INPP4B: variants seen among roughly 807,000 people sequenced by gnomAD.
The protein encoded by INPP4B is inositol polyphosphate 4-phosphatase type II.
In INPP4B, 55 loss-of-function variants were observed where a neutral mutation model predicts 122.5. The observed-to-expected ratio is 0.45, with a 90% confidence interval of 0.36 to 0.56. The LOEUF is 0.56. Ranked by LOEUF, INPP4B falls within the 20% of genes least tolerant of loss-of-function variation. INPP4B has a pLI of 0.00. For missense variants in INPP4B, 1,000 were observed against 1,097.7 expected (o/e 0.91, Z 1.26); for synonymous variants, 403 against 388.7 (o/e 1.04, Z -0.43).
intron 5 of INPP4B, among the ~76,000 whole-genome samples, chr4:142,407,922 AAT>A (rs769269314): frequency 2.0e-5 from 3 of 152,162 alleles, no homozygotes; most frequent in Non-Finnish European, 4.4e-5. Context: ...ATATCATACT[AAT>A]ATATATTAAT....
intron 3 of INPP4B, 134 bp from the exon 4 acceptor site, chr4:142,431,519 C>G: frequency 2.1e-6 from 1 of 483,652 alleles, no homozygotes; most frequent in South Asian, 2.5e-5. Context: ...CTTTCAGAAC[C>G]ATTCCACACA....
At chr4:142,367,737 T>C (rs561976875) in intron 7 of INPP4B, among the ~76,000 whole-genome samples, 1 of 152,280 alleles carries the variant, frequency 6.6e-6, no homozygotes, top group South Asian at 2.1e-4. Context: ...AGTTTGAGAA[T>C]TGTGCCAGGT....
In INPP4B at chr4:142,495,582, G is replaced by T. The variant is rs1406397835; in HGVS notation, c.-190-32856C>A. On this transcript the variant is annotated intron_variant, in intron 2 of 25. Transcript: ENST00000262992. Reference sequence around the variant, plus strand: ...CCACCTTCTGCCTGTGGTTACCTTGGATTCTTATCCTCCAGCTGACTCCCA... The same window carrying T: ...CCACCTTCTGCCTGTGGTTACCTTGTATTCTTATCCTCCAGCTGACTCCCA... Among the ~76,000 whole-genome samples, 3 of 151,806 alleles carry T rather than the reference G, an allele frequency of 2.0e-5. No homozygotes were observed. In the East Asian group the frequency reaches 5.8e-4, roughly 29 times the overall value.
At chr4:142,333,981 A>G (rs977618648) in intron 7 of INPP4B, among the ~76,000 whole-genome samples, 6 of 152,170 alleles carry the variant, frequency 3.9e-5, no homozygotes, top group African/African-American at 1.4e-4. Context: ...ACTTATTTAT[A>G]ACTGAAAGTC....
At chr4:142,737,941 T>C (rs1561014568) in intron 1 of INPP4B, among the ~76,000 whole-genome samples, 1 of 152,158 alleles carries the variant, frequency 6.6e-6, no homozygotes, top group Non-Finnish European at 1.5e-5. Context: ...ATGGCAATCA[T>C]TAAAAAGTCA....
chr4:142,470,191 T>C (rs933352172), intron 2 of INPP4B, among the ~76,000 whole-genome samples: 1 of 151,166 alleles, frequency 6.6e-6, no homozygotes, highest in Non-Finnish European at 1.5e-5. Context: ...TAAAAAAAAA[T>C]AGGAGCAGAT....
chr4:142,554,110 A>G (rs949234492), intron 2 of INPP4B, among the ~76,000 whole-genome samples: 2 of 150,756 alleles, frequency 1.3e-5, no homozygotes, highest in Non-Finnish European at 2.9e-5. Context: ...AATTGTTTGA[A>G]TCCTGAAGGA....
At chr4:142,710,881 A>G (rs1288492611) in intron 2 of INPP4B, among the ~76,000 whole-genome samples, 1 of 152,238 alleles carries the variant, frequency 6.6e-6, no homozygotes, top group Non-Finnish European at 1.5e-5. Flanking sequence ...GTGACAACAC[A>G]AATGATTCTC....
At chr4:142,185,320 G>A (rs1055944184) in intron 15 of INPP4B, among the ~76,000 whole-genome samples, 1 of 151,622 alleles carries the variant, frequency 6.6e-6, no homozygotes, top group African/African-American at 2.4e-5. Flanking sequence ...TCTCAATCTT[G>A]AGGTGTATGG....
In INPP4B at chr4:142,028,925, G is replaced by T. The variant is rs1737943293; in HGVS notation, c.2643-11C>A. 6.2e-7 allele frequency: 1 copy of T among 1,603,922 alleles called. No homozygotes were observed. The highest frequency in any genetic ancestry group is 2.2e-5 in the East Asian group (1 of 44,598). ...ATGCGGCATCCTTCTCTGGTGAAAG[G>T]GGAAAAAGTACAACTTCATGAAACA... On this transcript the variant is annotated splice_polypyrimidine_tract_variant and intron_variant, in intron 25 of 25. Transcript: ENST00000262992.
intron 2 of INPP4B, among the ~76,000 whole-genome samples, chr4:142,501,090 C>T (rs1249841326): frequency 6.6e-6 from 1 of 152,132 alleles, no homozygotes; most frequent in Non-Finnish European, 1.5e-5. Context: ...CTCCCAGTCT[C>T]TGTAGAAGGG....
chr4:142,562,604 C>T (rs753727889), intron 2 of INPP4B, among the ~76,000 whole-genome samples: 2 of 151,944 alleles, frequency 1.3e-5, no homozygotes, highest in African/African-American at 2.4e-5. Flanking sequence ...CATCCTATTG[C>T]TTTTTGAAAA....
chr4:142,611,588 C>T (rs1355244647), intron 2 of INPP4B, among the ~76,000 whole-genome samples: 12 of 143,280 alleles, frequency 8.4e-5, no homozygotes, highest in Admixed American at 8.3e-4. Context: ...AATAAATTGG[C>T]TTTTCAAACA....
intron 16 of INPP4B, among the ~76,000 whole-genome samples, chr4:142,170,673 T>A (rs1825182037): frequency 6.6e-6 from 1 of 151,794 alleles, no homozygotes; most frequent in South Asian, 2.1e-4. Flanking sequence ...TATAAGAGTA[T>A]CTCAGAGTTA....
At chr4:142,619,974 C>A (rs1017904770) in intron 2 of INPP4B, among the ~76,000 whole-genome samples, 2 of 151,894 alleles carry the variant, frequency 1.3e-5, no homozygotes, top group Non-Finnish European at 2.9e-5. Context: ...ACTAATTTAA[C>A]CTAACCTCGT....
chr4:142,455,833 G>T (rs1055118915), intron 3 of INPP4B, among the ~76,000 whole-genome samples: 2 of 151,804 alleles, frequency 1.3e-5, no homozygotes, highest in Non-Finnish European at 2.9e-5. Context: ...CTGTCTTTTG[G>T]ATAAAAAGCA....
chr4:142,409,715 C>T (rs1804215171), intron 5 of INPP4B, among the ~76,000 whole-genome samples: 1 of 152,298 alleles, frequency 6.6e-6, no homozygotes, highest in East Asian at 1.9e-4. Flanking sequence ...TTTAGGATTT[C>T]TCCAAAGCTT....
At chr4:142,146,833 G>A (rs1344976064) in intron 17 of INPP4B, among the ~76,000 whole-genome samples, 1 of 152,092 alleles carries the variant, frequency 6.6e-6, no homozygotes, top group Non-Finnish European at 1.5e-5. Context: ...CATTTTGAGT[G>A]ATTTATTTCC....
At chr4:142,290,448 G>A (rs545764837) in intron 9 of INPP4B, among the ~76,000 whole-genome samples, 2 of 151,656 alleles carry the variant, frequency 1.3e-5, no homozygotes, top group East Asian at 2.0e-4. Context: ...CCTGGTGATC[G>A]ACCTGCCTCG....
Sources: gnomAD v4.1 joint callset for allele counts (sites outside exome capture counted in the v4.1 genomes callset) on GRCh38, gnomAD v4.1.1 for gene constraint, MANE v1.5 for transcripts, NCBI Gene and HGNC (gene_info 2026-07-23, HGNC 2026-07-21) for gene names.